DNAJC8: variants seen among roughly 807,000 people sequenced by gnomAD.
DNAJC8 encodes DnaJ heat shock protein family (Hsp40) member C8, also known as dnaJ homolog subfamily C member 8.
DNAJC8 carries 24 observed loss-of-function variants against 43.2 expected under a neutral mutation model. The observed-to-expected ratio is 0.56, with a 90% confidence interval of 0.40 to 0.78. The LOEUF is 0.78. Among genes scored for constraint, DNAJC8 ranks in the 30% least tolerant of loss-of-function variants. DNAJC8 has a pLI of 0.00. For synonymous variants in DNAJC8, 83 were observed against 98.0 expected (o/e 0.85, Z 0.90); for missense variants, 207 against 299.4 (o/e 0.69, Z 2.28).
chr1:28,232,837 C>T (rs913674804), intron 1 of DNAJC8, 84 bp downstream of exon 1: 10 of 1,465,190 alleles, frequency 6.8e-6, no homozygotes, highest in Non-Finnish European at 9.4e-6. Flanking sequence ...ACGGTCCAGG[C>T]CAGGCGGCCA....
chr1:28,220,313 G>T (rs558699388), intron 2 of DNAJC8, among the ~76,000 whole-genome samples: 1 of 152,154 alleles, frequency 6.6e-6, no homozygotes. Context: ...ACCTGCGGCC[G>T]GTCCTCTTTG....
Position 28,229,820 on chromosome 1 carries a change from AT to A in DNAJC8, c.79-798del, listed in dbSNP as rs570000613. ...AGAGATTTCTCTGTGAGGAAAAAAA[AT>A]AAAGAAAAAAATTTAAAGAGCAAAA... On this transcript the variant is annotated intron_variant, in intron 1 of 8. Transcript: ENST00000263697. 3.7e-3 allele frequency among the ~76,000 whole-genome samples: 563 copies of A among 152,216 alleles called. 6 individuals carry two copies. Among genetic ancestry groups the A allele is most frequent in the African/African-American group, 0.013 (535 of 41,522 alleles).
intron 1 of DNAJC8, among the ~76,000 whole-genome samples, chr1:28,230,502 G>C (rs1646966305): frequency 6.6e-6 from 1 of 152,164 alleles, no homozygotes; most frequent in African/African-American, 2.4e-5. Flanking sequence ...AGGATCACTT[G>C]GGTGCAGGAA....
intron 2 of DNAJC8, among the ~76,000 whole-genome samples, chr1:28,216,911 C>T (rs1348969607): frequency 5.3e-5 from 8 of 149,762 alleles, no homozygotes; most frequent in African/African-American, 7.4e-5. Flanking sequence ...CAGGTTCAAG[C>T]GATTCTCCTG....
At chr1:28,228,091 C>G (rs953061033) in intron 2 of DNAJC8, among the ~76,000 whole-genome samples, 10 of 152,146 alleles carry the variant, frequency 6.6e-5, no homozygotes, top group Non-Finnish European at 1.5e-4. Context: ...TGGCTCACGC[C>G]TGTAATCCCA....
At chr1:28,218,835 G>A (rs1316955116) in intron 2 of DNAJC8, among the ~76,000 whole-genome samples, 1 of 152,124 alleles carries the variant, frequency 6.6e-6, no homozygotes, top group African/African-American at 2.4e-5. Context: ...AAGGAGAAAG[G>A]AATTGGGAAA....
chr1:28,224,293 A>G (rs759642767), intron 2 of DNAJC8, among the ~76,000 whole-genome samples: 13 of 152,096 alleles, frequency 8.5e-5, no homozygotes, highest in Non-Finnish European at 1.8e-4. Context: ...TTTGAGATGG[A>G]GTCTCACTCT....
At chr1:28,228,533 C>G (rs1186654464) in intron 2 of DNAJC8, among the ~76,000 whole-genome samples, 1 of 152,042 alleles carries the variant, frequency 6.6e-6, no homozygotes, top group Non-Finnish European at 1.5e-5. Context: ...TAAAGACAAT[C>G]TATATACAGG....
chr1:28,218,968 A>G (rs144544003), intron 2 of DNAJC8, among the ~76,000 whole-genome samples: 9,024 of 152,186 alleles, frequency 0.059, 300 homozygotes, highest in Middle Eastern at 0.082. Context: ...GGGGCAAACC[A>G]AAGTCCAACA....
intron 3 of DNAJC8, among the ~76,000 whole-genome samples, chr1:28,212,172 T>TAAATAA (rs1557707893): frequency 3.6e-3 from 42 of 11,730 alleles, no homozygotes; most frequent in African/African-American, 7.6e-3. Flanking sequence ...TAAATAAATA[T>TAAATAA]ATATATATAT....
At chr1:28,227,229 C>T (rs553303951) in intron 2 of DNAJC8, among the ~76,000 whole-genome samples, 2 of 144,384 alleles carry the variant, frequency 1.4e-5, no homozygotes, top group South Asian at 2.2e-4. Flanking sequence ...AACAATATGG[C>T]AAAACCCCGT....
chr1:28,209,881 T>C (rs1013647100), intron 5 of DNAJC8, 91 bp downstream of exon 5: 1 of 1,110,564 alleles, frequency 9.0e-7, no homozygotes. Context: ...GTTGTGCCAG[T>C]AGGCATTACT....
At chr1:28,214,790 A>G in intron 3 of DNAJC8, 150 bp downstream of exon 3, 1 of 504,486 alleles carries the variant, frequency 2.0e-6, no homozygotes, top group Non-Finnish European at 3.5e-6. Flanking sequence ...TTTATATATT[A>G]TTATGAGCTT....
At position 28,200,775 on chromosome 1, in the gene DNAJC8, C is replaced by A. The variant is rs1195550855; in HGVS notation, c.*473G>T. The A allele has an allele frequency of 9.6e-6, 4 of 417,282 alleles. No individual in the cohort carries two copies. The highest frequency in any genetic ancestry group is 1.9e-5 in the Non-Finnish European group (4 of 209,726). 25.8% of individuals were successfully genotyped at this position (417,282 alleles called of 1,614,324 possible). On this transcript the variant is annotated 3_prime_UTR_variant, in exon 9 of 9. Coordinates refer to ENST00000263697, the MANE Select transcript of DNAJC8 (RefSeq NM_014280.3). The stretch of plus-strand genomic sequence containing the variant: ...CTGTGTGCTCACAAGTGTTCCCTGT[C>A]TTATCTGGGCCTTCGAAGGGAGCAC...
chr1:28,213,590 T>A (rs1241303810), intron 3 of DNAJC8, among the ~76,000 whole-genome samples: 1 of 152,140 alleles, frequency 6.6e-6, no homozygotes, highest in Non-Finnish European at 1.5e-5. Context: ...TACATTCAGC[T>A]CTGGTCAGAC....
intron 2 of DNAJC8, 99 bp from the exon 3 acceptor site, chr1:28,215,095 G>T: frequency 1.0e-6 from 1 of 959,052 alleles, no homozygotes; most frequent in African/African-American, 1.7e-5. Context: ...TCAGCATCTA[G>T]AATAGTACCC....
chr1:28,205,195 A>G (rs755690650), intron 7 of DNAJC8, 63 bp downstream of exon 7: 87 of 1,298,602 alleles, frequency 6.7e-5, no homozygotes, highest in Non-Finnish European at 9.0e-5. Flanking sequence ...GAAAATCACC[A>G]AAGACCAATG....
Position 28,215,863 on chromosome 1 carries a change from A to ATT in DNAJC8, c.181-869_181-868dup, listed in dbSNP as rs113486592. Among the ~76,000 whole-genome samples the ATT allele has an allele frequency of 1.8e-3, 257 of 139,678 alleles. 2 individuals carry two copies. The highest frequency in any genetic ancestry group is 5.9e-3 in the African/African-American group (225 of 38,440). 91.6% of individuals were successfully genotyped at this position (139,678 alleles called of 152,430 possible). A position where few individuals can be genotyped will look rare whatever the true frequency, so the allele number is the denominator to read the frequency against. On this transcript the variant is annotated intron_variant, in intron 2 of 8. Transcript: ENST00000263697. ...TAAGCAACACTTCTTTAAACAAATAATTTTTTTTTTTTTCGAGACAGTGTC... is the reference window on the plus strand; with the variant it reads ...TAAGCAACACTTCTTTAAACAAATAATTTTTTTTTTTTTTTCGAGACAGTGTC...
chr1:28,227,237 C>A (rs1430225442), intron 2 of DNAJC8, among the ~76,000 whole-genome samples: 1 of 148,036 alleles, frequency 6.8e-6, no homozygotes, highest in Non-Finnish European at 1.5e-5. Flanking sequence ...GGCAAAACCC[C>A]GTCTCTACTA....
Sources: gnomAD v4.1 joint callset for allele counts (sites outside exome capture counted in the v4.1 genomes callset) on GRCh38, gnomAD v4.1.1 for gene constraint, MANE v1.5 for transcripts, NCBI Gene and HGNC (gene_info 2026-07-23, HGNC 2026-07-21) for gene names.